The following SLC35F4 variants were observed in gnomAD, a reference collection of about 807,000 sequenced individuals.
The protein encoded by SLC35F4 is solute carrier family 35 member F4, also known as chromosome 14 open reading frame 36.
Under a neutral mutation model 44.2 loss-of-function variants are expected in SLC35F4, and 24 were observed. That is an observed-to-expected ratio of 0.54 (90% CI 0.39 to 0.76). The LOEUF (loss-of-function observed/expected upper bound fraction) is 0.76, where lower values mean the gene tolerates loss of function less well. SLC35F4 is among the 30% of genes least tolerant of loss of function. The pLI is 0.00. For missense variants in SLC35F4, 562 were observed against 586.1 expected (o/e 0.96, Z 0.42); for synonymous variants, 238 against 223.6 (o/e 1.06, Z -0.57).
intron 1 of SLC35F4, among the ~76,000 whole-genome samples, chr14:57,922,387 C>T (rs549328903): frequency 3.7e-4 from 57 of 152,298 alleles, no homozygotes; most frequent in Non-Finnish European, 4.0e-4. Flanking sequence ...CTCTGTTCAA[C>T]CTAGTAATGA....
At chr14:57,686,350 T>G (rs964478234) in intron 1 of SLC35F4, among the ~76,000 whole-genome samples, 1 of 152,188 alleles carries the variant, frequency 6.6e-6, no homozygotes, top group Non-Finnish European at 1.5e-5. Flanking sequence ...CTAGAGCCTC[T>G]CTTTAAAGGA....
chr14:57,594,920 G>A lies in SLC35F4; in HGVS notation c.104-796C>T, dbSNP rs186307492. ...GGTCTGCAGCCAATATAGTCACATA[G>A]GGTGCTGTGCTGAGAAGGGCCCATC... On this transcript the variant is annotated intron_variant, in intron 1 of 7. Transcript: ENST00000556826. Among the ~76,000 whole-genome samples, 245 of 152,214 alleles carry A rather than the reference G, an allele frequency of 1.6e-3. 2 individuals are homozygous for A. The highest frequency in any genetic ancestry group is 6.8e-3 in the Middle Eastern group (2 of 294).
At chr14:57,805,518 A>C (rs1881207549) in intron 1 of SLC35F4, among the ~76,000 whole-genome samples, 2 of 152,300 alleles carry the variant, frequency 1.3e-5, no homozygotes, top group South Asian at 4.1e-4. Context: ...CCAAAGCAGG[A>C]ATAGAAAACC....
In SLC35F4 at chr14:57,800,501, T is replaced by C. The variant is rs2078165687; in HGVS notation, c.103+65222A>G. On this transcript the variant is annotated intron_variant, in intron 1 of 7. Coordinates refer to ENST00000556826, the MANE Select transcript of SLC35F4 (RefSeq NM_001306087.2). ...CACCTAACCAGCAAGGGCACAGAAC[T>C]GGACTGAGGCTGAGATGGCTGAATT... 2.6e-5 allele frequency among the ~76,000 whole-genome samples: 4 copies of C among 152,080 alleles called. No homozygotes were observed. The South Asian group carries it at 8.3e-4, about 32-fold the overall frequency.
intron 1 of SLC35F4, among the ~76,000 whole-genome samples, chr14:57,595,428 T>G (rs1955318984): frequency 6.6e-6 from 1 of 152,168 alleles, no homozygotes; most frequent in African/African-American, 2.4e-5. Flanking sequence ...CTGTCTTTTT[T>G]TTCCCTTTCC....
intron 1 of SLC35F4, among the ~76,000 whole-genome samples, chr14:57,812,098 C>G (rs1333656964): frequency 6.6e-6 from 1 of 152,144 alleles, no homozygotes; most frequent in African/African-American, 2.4e-5. Flanking sequence ...AGTGGAGCAA[C>G]AGTGACACTA....
intron 1 of SLC35F4, among the ~76,000 whole-genome samples, chr14:57,826,511 A>G (rs1208057768): frequency 6.6e-6 from 1 of 152,208 alleles, no homozygotes; most frequent in African/African-American, 2.4e-5. Flanking sequence ...AAATCAACAA[A>G]TGGGATATAA....
At chr14:57,577,956 A>G (rs1177297774) in intron 4 of SLC35F4, among the ~76,000 whole-genome samples, 1 of 152,210 alleles carries the variant, frequency 6.6e-6, no homozygotes, top group African/African-American at 2.4e-5. Flanking sequence ...ACTAAATGTA[A>G]AACAGATTAC....
rs1333949275 is a variant in SLC35F4 at position 57,638,688 on chromosome 14, C to T, written c.104-44564G>A. Among the ~76,000 whole-genome samples the T allele has an allele frequency of 4.6e-5, 7 of 152,086 alleles. 1 individual carries two copies. The highest frequency in any genetic ancestry group is 4.6e-4 in the Admixed American group (7 of 15,258). On this transcript the variant is annotated intron_variant, in intron 1 of 7. Transcript: ENST00000556826. ...CAAATGGGACTAAAACAAGAATTAGCCCTTCTGATACAAGGAAGGCTACTA... is the reference window on the plus strand; with the variant it reads ...CAAATGGGACTAAAACAAGAATTAGTCCTTCTGATACAAGGAAGGCTACTA...
At chr14:57,664,741 C>A in intron 1 of SLC35F4, among the ~76,000 whole-genome samples, 2 of 152,280 alleles carry the variant, frequency 1.3e-5, no homozygotes, top group East Asian at 3.9e-4. Context: ...TTACACAGGA[C>A]GCAATGAACA....
intron 1 of SLC35F4, among the ~76,000 whole-genome samples, chr14:57,818,804 C>T (rs553943965): frequency 5.4e-4 from 82 of 152,232 alleles, no homozygotes; most frequent in Admixed American, 1.0e-3. Flanking sequence ...AGCCTCAGGA[C>T]GAAGTACAAC....
At chr14:57,696,294 C>T (rs369679560) in intron 1 of SLC35F4, among the ~76,000 whole-genome samples, 5 of 152,180 alleles carry the variant, frequency 3.3e-5, no homozygotes, top group South Asian at 2.1e-4. Context: ...AAGGCATTTA[C>T]GCAGCCAACA....
chr14:57,711,110 G>A (rs1312046596), intron 1 of SLC35F4, among the ~76,000 whole-genome samples: 1 of 152,126 alleles, frequency 6.6e-6, no homozygotes, highest in Non-Finnish European at 1.5e-5. Context: ...GAGGTACCCA[G>A]TGGGTAGTGA....
chr14:57,870,788 C>A (rs1378728037), upstream of SLC35F4, among the ~76,000 whole-genome samples: 1 of 152,350 alleles, frequency 6.6e-6, no homozygotes, highest in Non-Finnish European at 1.5e-5. Context: ...TTTACACTTT[C>A]ACTCTCCATT....
At chr14:57,974,963 G>A (rs960138811), downstream of SLC35F4, among the ~76,000 whole-genome samples, 6 of 152,174 alleles carry the variant, frequency 3.9e-5, no homozygotes, top group Non-Finnish European at 7.3e-5. Context: ...CAAAGGGAAG[G>A]AGAAATGTGG....
At position 57,866,001 on chromosome 14, in the gene SLC35F4, G is replaced by GGCA; in HGVS notation, c.-177_-176insTGC. 2.8e-6 allele frequency: 1 copy of GGCA among 358,390 alleles called. No homozygotes were observed. 22.2% of individuals were successfully genotyped at this position (358,390 alleles called of 1,614,324 possible). Reference sequence around the variant, plus strand: ...GGCTCCGCATCACAGCGGCGGCGGCGGCGGCGGCGGCGGAGCGGCCCCCAC... The same window carrying GGCA: ...GGCTCCGCATCACAGCGGCGGCGGCGGCAGCGGCGGCGGCGGAGCGGCCCCCAC... On this transcript the variant is annotated 5_prime_UTR_variant, in exon 1 of 8. Transcript: ENST00000556826.
intron 1 of SLC35F4, among the ~76,000 whole-genome samples, chr14:57,621,442 A>G (rs1437241813): frequency 2.6e-5 from 4 of 152,092 alleles, no homozygotes; most frequent in African/African-American, 9.7e-5. Context: ...AGTAACCAAA[A>G]CAGCATGGTA....
intron 1 of SLC35F4, among the ~76,000 whole-genome samples, chr14:57,754,098 CTTTTTTTTTTTT>C (rs1200175550): frequency 2.7e-5 from 3 of 110,444 alleles, no homozygotes; most frequent in African/African-American, 1.1e-4. Flanking sequence ...TAACCCAATG[CTTTTTTTTTTTT>C]TTTTTTTTTT....
At chr14:57,586,592 C>G (rs1317885856) in intron 3 of SLC35F4, among the ~76,000 whole-genome samples, 1 of 151,318 alleles carries the variant, frequency 6.6e-6, no homozygotes, top group Non-Finnish European at 1.5e-5. Context: ...GTGGCGGGTG[C>G]CTGTAGTCCC....
Sources: allele counts gnomAD v4.1 joint callset (sites outside exome capture counted in the v4.1 genomes callset), GRCh38; gene constraint gnomAD v4.1.1; transcripts MANE v1.5; gene names NCBI Gene and HGNC (gene_info 2026-07-23, HGNC 2026-07-21).